ROBO1: variants seen among roughly 807,000 people sequenced by gnomAD.
ROBO1 encodes the protein roundabout homolog 1.
Under a neutral mutation model 195.9 loss-of-function variants are expected in ROBO1, and 149 were observed. The ratio of observed to expected loss-of-function variants is 0.76; its 90% CI spans 0.67 to 0.87. ROBO1 has a LOEUF of 0.87. ROBO1 is among the 40% of genes least tolerant of loss of function. The pLI is 0.00. For synonymous variants in ROBO1, 816 were observed against 733.2 expected, an observed-to-expected ratio of 1.11 and a Z score of -1.82; for missense variants, 1,933 against 2,068.3, an observed-to-expected ratio of 0.93 and a Z score of 1.27.
At chr3:79,244,222 G>T (rs1044280420) in intron 2 of ROBO1, among the ~76,000 whole-genome samples, 1 of 152,060 alleles carries the variant, frequency 6.6e-6, no homozygotes, top group Non-Finnish European at 1.5e-5. Context: ...TGCATAACAA[G>T]AACTCATTAA....
At chr3:79,726,765 A>G (rs1035977108) in intron 1 of ROBO1, among the ~76,000 whole-genome samples, 1 of 152,198 alleles carries the variant, frequency 6.6e-6, no homozygotes, top group African/African-American at 2.4e-5. Context: ...ACATTTTTCA[A>G]TCGACATCTA....
chr3:78,870,714 C>T (rs2035493756), intron 4 of ROBO1, among the ~76,000 whole-genome samples: 1 of 152,104 alleles, frequency 6.6e-6, no homozygotes, highest in South Asian at 2.1e-4. Context: ...AATTGCTGAG[C>T]CAATCAGGAC....
intron 26 of ROBO1, among the ~76,000 whole-genome samples, chr3:78,619,536 G>A (rs948727113): frequency 5.3e-5 from 8 of 151,324 alleles, no homozygotes; most frequent in Non-Finnish European, 1.2e-4. Context: ...CAGAAGACTG[G>A]ATCCTCATCT....
At chr3:79,151,441 C>A (rs1159166498) in intron 2 of ROBO1, among the ~76,000 whole-genome samples, 1 of 151,756 alleles carries the variant, frequency 6.6e-6, no homozygotes, top group Non-Finnish European at 1.5e-5. Flanking sequence ...CACTACTTCT[C>A]TATCTGCCAC....
intron 2 of ROBO1, among the ~76,000 whole-genome samples, chr3:79,438,699 C>T (rs528833153): frequency 1.3e-5 from 2 of 152,126 alleles, no homozygotes; most frequent in African/African-American, 2.4e-5. Flanking sequence ...AAAATTATCA[C>T]CATGTGTTGA....
At chr3:78,754,011 C>A (rs2082864939) in intron 4 of ROBO1, among the ~76,000 whole-genome samples, 2 of 152,146 alleles carry the variant, frequency 1.3e-5, no homozygotes, top group African/African-American at 4.8e-5. Context: ...AAACAGAAGT[C>A]TAGAATGTCA....
chr3:79,168,308 A>G (rs1034828178), intron 2 of ROBO1, among the ~76,000 whole-genome samples: 1 of 152,154 alleles, frequency 6.6e-6, no homozygotes, highest in Non-Finnish European at 1.5e-5. Context: ...TTATTTAAAT[A>G]AATACTGTTT....
intron 2 of ROBO1, among the ~76,000 whole-genome samples, chr3:79,213,270 C>A (rs974803510): frequency 1.3e-4 from 19 of 151,988 alleles, no homozygotes; most frequent in Admixed American, 1.2e-3. Flanking sequence ...TCTATGACAG[C>A]TAAAGCTCAC....
chr3:79,577,717 A>C lies in ROBO1; in HGVS notation c.88+12107T>G, dbSNP rs201369330. 1.2e-3 allele frequency among the ~76,000 whole-genome samples: 163 copies of C among 140,710 alleles called. No homozygotes were observed. The East Asian group carries it at 0.015, about 13-fold the overall frequency. The allele number at this position is 140,710 out of a possible 152,430, so 92.3% of individuals were successfully genotyped here. A position where few individuals can be genotyped will look rare whatever the true frequency, so the allele number is the denominator to read the frequency against. On this transcript the variant is annotated intron_variant, in intron 2 of 30. Transcript: ENST00000464233. ...ATGAAGAAATCCTGTCTTTACTAAA[A>C]ACACACACACACACACACACACACA...
At chr3:78,731,696 A>G (rs562055565) in intron 5 of ROBO1, among the ~76,000 whole-genome samples, 6 of 152,298 alleles carry the variant, frequency 3.9e-5, no homozygotes, top group African/African-American at 1.2e-4. Context: ...GCATTATAGC[A>G]GACAAATTCA....
chr3:79,625,267 C>T (rs945394137), intron 1 of ROBO1, among the ~76,000 whole-genome samples: 2 of 150,874 alleles, frequency 1.3e-5, no homozygotes, highest in Admixed American at 6.6e-5. Context: ...CAAATCAATA[C>T]CCTAACATCA....
Position 79,076,218 on chromosome 3 carries a change from C to A in ROBO1, c.172+49238G>T, listed in dbSNP as rs554873839. Among the ~76,000 whole-genome samples, 326 of 146,856 alleles carry A rather than the reference C, an allele frequency of 2.2e-3. 2 individuals carry two copies. Among genetic ancestry groups the A allele is most frequent in the African/African-American group, 7.2e-3 (292 of 40,396 alleles). Reference sequence around the variant, plus strand: ...AAATAATCACAAGACCATATATAGGCATATATGTTACTTATATATAAATAT... The same window carrying A: ...AAATAATCACAAGACCATATATAGGAATATATGTTACTTATATATAAATAT... On this transcript the variant is annotated intron_variant, in intron 3 of 30. Coordinates refer to ENST00000464233, the MANE Select transcript of ROBO1 (RefSeq NM_002941.4).
intron 3 of ROBO1, among the ~76,000 whole-genome samples, chr3:79,027,211 A>T (rs1252868371): frequency 6.6e-6 from 1 of 152,126 alleles, no homozygotes; most frequent in Non-Finnish European, 1.5e-5. Flanking sequence ...TTTAAAAACC[A>T]TCTTGAAATT....
intron 4 of ROBO1, among the ~76,000 whole-genome samples, chr3:78,768,892 G>A (rs9637502): frequency 0.25 from 35,785 of 145,010 alleles, 4,481 homozygotes; most frequent in East Asian, 0.5. Flanking sequence ...TCCCACCTAT[G>A]AGTGAGAATA....
At chr3:79,097,379 A>G (rs369006740) in intron 3 of ROBO1, among the ~76,000 whole-genome samples, 1 of 151,964 alleles carries the variant, frequency 6.6e-6, no homozygotes, top group East Asian at 1.9e-4. Flanking sequence ...AAATAGAATT[A>G]GAATGCTGGG....
rs563847395 is a variant in ROBO1, at chr3:79,056,433, C to T, written c.172+69023G>A. On this transcript the variant is annotated intron_variant, in intron 3 of 30. Coordinates refer to ENST00000464233, the MANE Select transcript of ROBO1 (RefSeq NM_002941.4). Reference sequence around the variant, plus strand: ...ATGTTACAGAGGCTGGATTACACATCGCTCAGGAGACCACATTCAACAGAC... The same window carrying T: ...ATGTTACAGAGGCTGGATTACACATTGCTCAGGAGACCACATTCAACAGAC... Among the ~76,000 whole-genome samples, 70 of 152,162 alleles carry T rather than the reference C, an allele frequency of 4.6e-4. 1 individual carries two copies. The highest frequency in any genetic ancestry group is 7.9e-4 in the Admixed American group (12 of 15,272).
At chr3:78,908,633 T>G (rs1026665838) in intron 4 of ROBO1, among the ~76,000 whole-genome samples, 22 of 151,932 alleles carry the variant, frequency 1.4e-4, no homozygotes, top group Non-Finnish European at 3.1e-4. Flanking sequence ...AAATAGACAC[T>G]ATTGCATTCC....
At chr3:79,185,705 G>A (rs531608151) in intron 2 of ROBO1, among the ~76,000 whole-genome samples, 3 of 152,142 alleles carry the variant, frequency 2.0e-5, no homozygotes, top group East Asian at 1.9e-4. Context: ...TGTTGTTGTC[G>A]TTCAGTATCT....
Position 79,416,665 on chromosome 3 carries a change from T to C in ROBO1, c.88+173159A>G, listed in dbSNP as rs546163247. ...AGAAAACAAAAGAAAGGGGTAAAAT[T>C]GATAAACTTGGTGTTGCTTTGGTTG... On this transcript the variant is annotated intron_variant, in intron 2 of 30. Transcript: ENST00000464233. 4.0e-5 allele frequency among the ~76,000 whole-genome samples: 6 copies of C among 151,524 alleles called. No individual in the cohort carries two copies. The East Asian group carries it at 9.8e-4, about 25-fold the overall frequency.
Sources: gnomAD v4.1 joint callset for allele counts (sites outside exome capture counted in the v4.1 genomes callset) on GRCh38, gnomAD v4.1.1 for gene constraint, MANE v1.5 for transcripts, NCBI Gene and HGNC (gene_info 2026-07-23, HGNC 2026-07-21) for gene names.